EXD2: variants seen among roughly 807,000 people sequenced by gnomAD.
The protein encoded by EXD2 is exonuclease 3'-5' domain-containing protein 2.
EXD2 carries 40 observed loss-of-function variants against 62.5 expected under a neutral mutation model. That is an observed-to-expected ratio of 0.64 (90% CI 0.50 to 0.83). The LOEUF (loss-of-function observed/expected upper bound fraction) is 0.83. Among genes scored for constraint, EXD2 ranks in the 40% least tolerant of loss-of-function variants. The pLI is 0.00. For synonymous variants in EXD2, 239 were observed against 291.9 expected (o/e 0.82, Z 1.85); for missense variants, 671 against 761.8 (o/e 0.88, Z 1.40).
intron 5 of EXD2, among the ~76,000 whole-genome samples, chr14:69,232,027 A>T (rs773358990): frequency 6.6e-6 from 1 of 151,626 alleles, no homozygotes. Context: ...CCCACTGCCT[A>T]TATTCCAGTC....
intron 6 of EXD2, 73 bp downstream of exon 6, chr14:69,235,104 G>T: frequency 7.2e-7 from 1 of 1,381,684 alleles, no homozygotes; most frequent in East Asian, 2.5e-5. Context: ...GCTTCCCTGG[G>T]GTCTGGGGAG....
At chr14:69,220,842 C>G (rs1459530369) in intron 3 of EXD2, among the ~76,000 whole-genome samples, 1 of 152,056 alleles carries the variant, frequency 6.6e-6, no homozygotes, top group Non-Finnish European at 1.5e-5. Context: ...GCACTCCAGC[C>G]TGGTCAACAA....
chr14:69,202,178 C>T (rs1242314335), intron 1 of EXD2, among the ~76,000 whole-genome samples: 1 of 151,998 alleles, frequency 6.6e-6, no homozygotes, highest in Non-Finnish European at 1.5e-5. Context: ...TTGAGACCAG[C>T]CCAAGCAACC....
At chr14:69,236,570 T>G (rs2043797757) in intron 8 of EXD2, 28 bp downstream of exon 8, 1 of 1,613,628 alleles carries the variant, frequency 6.2e-7, no homozygotes, top group African/African-American at 1.3e-5. Flanking sequence ...CCACCCTGGT[T>G]GTCTGTGGCA....
In EXD2 at chr14:69,229,049, C is replaced by T; in HGVS notation, c.567C>T (p.Leu189=). The change falls in exon 4 of 10, where the codon CTC becomes CTT. Residue 189 remains leucine (L), a synonymous_variant. Transcript: ENST00000685843. ...YGLVVRGCLD[L]RYLAMRQRNN... is the part of the protein sequence containing the mutation. ...TCGTTGTTAGGGGGTGCCTGGACCT[C>T]CGATACCTAGCCATGCGGCAGAGGT... 1.2e-6 allele frequency: 2 copies of T among 1,614,168 alleles called. No homozygotes were observed. Among genetic ancestry groups the T allele is most frequent in the Middle Eastern group, 1.6e-4 (1 of 6,062 alleles).
intron 5 of EXD2, among the ~76,000 whole-genome samples, chr14:69,231,444 A>T (rs1054685343): frequency 6.6e-6 from 1 of 152,148 alleles, no homozygotes; most frequent in Admixed American, 6.5e-5. Context: ...CATCCTCCCA[A>T]TTTAGGTAAA....
chr14:69,192,111 C>T (rs2042050069), intron 1 of EXD2: 1 of 152,248 alleles, frequency 6.6e-6, no homozygotes, highest in Non-Finnish European at 1.5e-5. Flanking sequence ...CCGGGAGCCA[C>T]CTCTTTGGCT....
At chr14:69,200,115 G>T (rs998158323) in intron 1 of EXD2, among the ~76,000 whole-genome samples, 10 of 152,136 alleles carry the variant, frequency 6.6e-5, no homozygotes, top group African/African-American at 2.2e-4. Context: ...TTATAATTTT[G>T]TAGAACTATT....
chr14:69,205,797 A>G (rs1052799781), intron 2 of EXD2, among the ~76,000 whole-genome samples: 1 of 152,168 alleles, frequency 6.6e-6, no homozygotes, highest in Non-Finnish European at 1.5e-5. Context: ...GTTCTGAACC[A>G]GTGTAAATTC....
At chr14:69,209,343 G>T in intron 2 of EXD2, 81 bp from the exon 3 acceptor site, 1 of 672,124 alleles carries the variant, frequency 1.5e-6, no homozygotes, top group South Asian at 3.4e-5. Flanking sequence ...GATTATAAAT[G>T]GGGCATTTTT....
intron 9 of EXD2, among the ~76,000 whole-genome samples, chr14:69,240,620 G>A (rs1043465432): frequency 2.7e-4 from 41 of 152,224 alleles, no homozygotes; most frequent in Admixed American, 2.1e-3. Context: ...TGCCCCTCTC[G>A]TGGGAGCTGA....
At chr14:69,210,813 GA>G (rs924461419) in intron 3 of EXD2, among the ~76,000 whole-genome samples, 10 of 150,610 alleles carry the variant, frequency 6.6e-5, no homozygotes, top group East Asian at 1.9e-4. Flanking sequence ...CTGTCTCGGG[GA>G]AAAAAAAATG....
chr14:69,221,552 A>G (rs1339953463), intron 3 of EXD2, among the ~76,000 whole-genome samples: 1 of 151,394 alleles, frequency 6.6e-6, no homozygotes, highest in Non-Finnish European at 1.5e-5. Flanking sequence ...ATCACACTTC[A>G]GGCAAGGAGT....
intron 1 of EXD2, among the ~76,000 whole-genome samples, chr14:69,192,773 G>A (rs1248264652): frequency 6.6e-6 from 1 of 152,068 alleles, no homozygotes; most frequent in African/African-American, 2.4e-5. Flanking sequence ...GCTTAAAAAC[G>A]GGTCTTGGAA....
chr14:69,236,739 T>A (rs2043806303), intron 8 of EXD2, among the ~76,000 whole-genome samples, 197 bp downstream of exon 8: 1 of 152,218 alleles, frequency 6.6e-6, no homozygotes, highest in Admixed American at 6.5e-5. Context: ...CTGAGCCGTT[T>A]CTCAGTTTCT....
At chr14:69,209,347 C>T (rs2042725037) in intron 2 of EXD2, 77 bp from the exon 3 acceptor site, 1 of 716,546 alleles carries the variant, frequency 1.4e-6, no homozygotes, top group African/African-American at 1.8e-5. Context: ...ATAAATGGGG[C>T]ATTTTTTAGA....
intron 9 of EXD2, among the ~76,000 whole-genome samples, chr14:69,240,619 C>T (rs935451747): frequency 1.1e-4 from 16 of 152,116 alleles, no homozygotes; most frequent in East Asian, 1.9e-4. Context: ...GTGCCCCTCT[C>T]GTGGGAGCTG....
chr14:69,220,961 G>T (rs372619696), intron 3 of EXD2, among the ~76,000 whole-genome samples: 80 of 152,122 alleles, frequency 5.3e-4, no homozygotes, highest in African/African-American at 1.9e-3. Context: ...CAAATTCCTG[G>T]GCTCAAGCAA....
chr14:69,220,534 A>C (rs2043149336), intron 3 of EXD2, among the ~76,000 whole-genome samples: 3 of 142,950 alleles, frequency 2.1e-5, no homozygotes, highest in African/African-American at 5.1e-5. Context: ...CTGGGATTAC[A>C]AGTGTGAGCC....
Sources: allele counts gnomAD v4.1 joint callset (sites outside exome capture counted in the v4.1 genomes callset), GRCh38; gene constraint gnomAD v4.1.1; transcripts MANE v1.5; gene names NCBI Gene and HGNC (gene_info 2026-07-23, HGNC 2026-07-21).